The following PHEX variants were observed in gnomAD, a reference collection of about 807,000 sequenced individuals.
The protein encoded by PHEX is phosphate regulating endopeptidase X-linked, also known as phosphate-regulating neutral endopeptidase PHEX.
In PHEX, 16 loss-of-function variants were observed where a neutral mutation model predicts 68.0. That is an observed-to-expected ratio of 0.24 (90% CI 0.16 to 0.36). The LOEUF (loss-of-function observed/expected upper bound fraction) is 0.36, where lower values mean the gene tolerates loss of function less well. PHEX is among the 10% of genes least tolerant of loss of function. The probability of loss-of-function intolerance (pLI) is 1.00; values close to 1 mark genes in which losing one functional copy is unlikely to be tolerated. For synonymous variants in PHEX, 208 were observed against 205.1 expected (o/e 1.01, Z -0.12); for missense variants, 480 against 575.5 (o/e 0.83, Z 1.70).
chrX:22,183,161 G>C (rs1933932094), intron 14 of PHEX, among the ~76,000 whole-genome samples: 2 of 110,031 alleles, frequency 1.8e-5, no homozygotes, highest in Admixed American at 1.9e-4. Context: ...ATGCTGCCTA[G>C]TCTTTTGCTA....
intron 11 of PHEX, among the ~76,000 whole-genome samples, chrX:22,117,196 C>T (rs1345451325): frequency 8.9e-6 from 1 of 112,195 alleles, no homozygotes; most frequent in South Asian, 3.7e-4. Flanking sequence ...AACTTTGTAA[C>T]TTTGAGTTGG....
chrX:22,083,331 A>G (rs1346377441), intron 5 of PHEX, among the ~76,000 whole-genome samples: 1 of 112,009 alleles, frequency 8.9e-6, no homozygotes, highest in African/African-American at 3.2e-5. Context: ...TTTGCCCAGG[A>G]TCGCTTTGGC....
chrX:22,073,435 C>CA (rs1206570676), intron 3 of PHEX, among the ~76,000 whole-genome samples: 2 of 111,557 alleles, frequency 1.8e-5, no homozygotes, highest in African/African-American at 3.3e-5. Context: ...TAGCAAGTTG[C>CA]AGCAAGCTGC....
chrX:22,100,867 A>G (rs944593305), intron 9 of PHEX, among the ~76,000 whole-genome samples: 1 of 111,762 alleles, frequency 8.9e-6, no homozygotes, highest in Non-Finnish European at 1.9e-5. Context: ...ATACAACTTC[A>G]TTTAAAAATA....
chrX:22,033,216 A>G (rs1926881521), intron 1 of PHEX, 93 bp downstream of exon 1: 10 of 623,278 alleles, frequency 1.6e-5, no homozygotes, highest in Non-Finnish European at 2.8e-5. Context: ...ACACAGGTAT[A>G]GGGCTGTTTG....
chrX:22,047,088 C>G lies in PHEX; in HGVS notation c.226C>G (p.Pro76Ala), dbSNP rs201394441. Residue 76 changes from proline (P) to alanine (A), a missense_variant, in exon 3 of 22, where the codon CCT (proline) becomes GCT (alanine). Physicochemically the swap from Pro to Ala is conservative, Grantham distance 27 (BLOSUM62 -1). Coordinates refer to ENST00000379374, the MANE Select transcript of PHEX (RefSeq NM_000444.6). Reference protein sequence around the residue: ...ILSKVNLSVDPCDNFFRFACD... With the variant: ...ILSKVNLSVDACDNFFRFACD... ...AAGTAAAGTAAATCTGTCTGTGGAT[C>G]CTTGTGATAATTTCTTCCGGTTCGC... The G allele has an allele frequency of 5.8e-6, 7 of 1,208,731 alleles. No homozygotes were observed. Among genetic ancestry groups the G allele is most frequent in the Non-Finnish European group, 7.8e-6 (7 of 892,743 alleles).
chrX:22,178,700 A>C (rs1933788870), intron 14 of PHEX, among the ~76,000 whole-genome samples: 1 of 112,429 alleles, frequency 8.9e-6, no homozygotes, highest in African/African-American at 3.2e-5. Context: ...ACATTCATGT[A>C]ATAACTTTTG....
intron 2 of PHEX, among the ~76,000 whole-genome samples, chrX:22,039,159 G>GAGTATTTCT (rs778492234): frequency 5.4e-5 from 6 of 111,941 alleles, no homozygotes; most frequent in African/African-American, 1.9e-4. Context: ...AGTAGAGACG[G>GAGTATTTCT]AGTTTCACCT....
chrX:22,220,693 A>ATGAT (rs1334070098), intron 17 of PHEX, among the ~76,000 whole-genome samples: 1 of 111,871 alleles, frequency 8.9e-6, no homozygotes, highest in Non-Finnish European at 1.9e-5. Flanking sequence ...TACCTATTTA[A>ATGAT]TGATTGGTTG....
At chrX:22,109,231 T>C (rs906886718) in intron 9 of PHEX, among the ~76,000 whole-genome samples, 1 of 111,824 alleles carries the variant, frequency 8.9e-6, no homozygotes, top group African/African-American at 3.2e-5. Context: ...GACAAAGACA[T>C]GTCATACATT....
intron 15 of PHEX, among the ~76,000 whole-genome samples, chrX:22,204,103 C>A (rs897310001): frequency 8.1e-5 from 9 of 111,157 alleles, no homozygotes; most frequent in African/African-American, 2.9e-4. Flanking sequence ...ACTGTACTTA[C>A]CCTGATATAA....
At chrX:22,054,596 C>A (rs1450845143) in intron 3 of PHEX, among the ~76,000 whole-genome samples, 1 of 111,283 alleles carries the variant, frequency 9.0e-6, no homozygotes, top group Non-Finnish European at 1.9e-5. Flanking sequence ...ACTGGGTGCA[C>A]CCCTTCAGAG....
intron 9 of PHEX, among the ~76,000 whole-genome samples, chrX:22,100,058 G>GA (rs1381535214): frequency 4.1e-4 from 46 of 112,349 alleles, no homozygotes; most frequent in Non-Finnish European, 8.1e-4. Flanking sequence ...AAAACATACA[G>GA]AAAAAGGAGA....
chrX:22,066,609 C>G (rs1200186231), intron 3 of PHEX, among the ~76,000 whole-genome samples: 1 of 111,842 alleles, frequency 8.9e-6, no homozygotes, highest in East Asian at 2.8e-4. Context: ...TGCTTCCCCC[C>G]TTTTGGGGGA....
intron 12 of PHEX, among the ~76,000 whole-genome samples, chrX:22,136,098 G>C (rs1216756358): frequency 2.8e-5 from 3 of 108,105 alleles, no homozygotes; most frequent in African/African-American, 6.8e-5. Flanking sequence ...ATGACCTCTG[G>C]GTGGAGCTCG....
chrX:22,189,106 GA>G (rs1354656443), intron 14 of PHEX, among the ~76,000 whole-genome samples: 1 of 112,640 alleles, frequency 8.9e-6, no homozygotes, highest in African/African-American at 3.2e-5. Flanking sequence ...CAAATGACAG[GA>G]TATCATTCTT....
chrX:22,195,868 C>T (rs937596692), intron 15 of PHEX, among the ~76,000 whole-genome samples: 2 of 111,277 alleles, frequency 1.8e-5, no homozygotes, highest in Non-Finnish European at 3.8e-5. Context: ...AAAAACTCAC[C>T]GTGTTCTATC....
chrX:22,108,239 T>C (rs771397609), intron 9 of PHEX, among the ~76,000 whole-genome samples: 14 of 111,890 alleles, frequency 1.3e-4, no homozygotes, highest in Non-Finnish European at 2.4e-4. Flanking sequence ...AATGCGCATA[T>C]CCTAACAAGA....
chrX:22,049,194 C>T (rs535978719), intron 3 of PHEX, among the ~76,000 whole-genome samples: 8 of 111,594 alleles, frequency 7.2e-5, no homozygotes, highest in African/African-American at 1.3e-4. Context: ...CTGCAACCTC[C>T]GCCTCCTGGG....
Sources: gnomAD v4.1 joint callset for allele counts (sites outside exome capture counted in the v4.1 genomes callset) on GRCh38, gnomAD v4.1.1 for gene constraint, MANE v1.5 for transcripts, NCBI Gene and HGNC (gene_info 2026-07-23, HGNC 2026-07-21) for gene names.